TNIK: variants seen among roughly 807,000 people sequenced by gnomAD.
The protein encoded by TNIK is TRAF2 and NCK interacting kinase.
A neutral mutation model predicts 191.3 loss-of-function variants in TNIK; 49 were observed. The observed-to-expected ratio is 0.26, with a 90% CI of 0.20 to 0.32. The LOEUF is 0.32. TNIK is among the 10% of genes least tolerant of loss of function. TNIK has a pLI of 1.00. For synonymous variants in TNIK, 594 were observed against 600.9 expected, an observed-to-expected ratio of 0.99 and a Z score of 0.17; for missense variants, 1,155 against 1,702.3, an observed-to-expected ratio of 0.68 and a Z score of 5.66.
At chr3:171,296,348 A>G (rs1180719247) in intron 2 of TNIK, among the ~76,000 whole-genome samples, 1 of 152,198 alleles carries the variant, frequency 6.6e-6, no homozygotes, top group African/African-American at 2.4e-5. Context: ...ACCTGATACT[A>G]AATCCTGAAC....
intron 2 of TNIK, among the ~76,000 whole-genome samples, chr3:171,331,264 C>T (rs937900729): frequency 3.9e-5 from 6 of 152,174 alleles, no homozygotes; most frequent in Admixed American, 3.9e-4. Context: ...GATCCACAGC[C>T]ACTCCCTGGC....
chr3:171,325,952 G>T (rs1755703076), intron 2 of TNIK, among the ~76,000 whole-genome samples: 1 of 152,200 alleles, frequency 6.6e-6, no homozygotes, highest in African/African-American at 2.4e-5. Context: ...CTCTTCTCGA[G>T]CCTCATCTGC....
At chr3:171,260,275 C>T (rs1051509184) in intron 2 of TNIK, among the ~76,000 whole-genome samples, 3 of 152,116 alleles carry the variant, frequency 2.0e-5, no homozygotes, top group Non-Finnish European at 4.4e-5. Context: ...AAGCTGTATT[C>T]AAAATTGAGG....
chr3:171,459,792 C>T (rs1729243475), intron 1 of TNIK, among the ~76,000 whole-genome samples: 1 of 152,020 alleles, frequency 6.6e-6, no homozygotes, highest in African/African-American at 2.4e-5. Flanking sequence ...GCCTAAGCCA[C>T]GGCCAGAGGA....
chr3:171,374,901 A>G (rs1211362606), intron 1 of TNIK, among the ~76,000 whole-genome samples: 2 of 152,208 alleles, frequency 1.3e-5, no homozygotes, highest in Non-Finnish European at 2.9e-5. Context: ...TTTACAGATT[A>G]GGAAATGGAG....
Position 171,061,047 on chromosome 3 carries a change from G to C in TNIK, c.*2834C>G, listed in dbSNP as rs1323271857. ...TTTTTTGTTGAGATGCTATAAAAAT[G>C]GATGAAAAGCAACCGTTCCTCCCCT... On this transcript the variant is annotated 3_prime_UTR_variant, in exon 33 of 33. Transcript: ENST00000436636. Among the ~76,000 whole-genome samples the C allele has an allele frequency of 6.6e-6, 1 of 152,040 alleles. No individual in the cohort carries two copies. Among genetic ancestry groups the C allele is most frequent in the Non-Finnish European group, 1.5e-5 (1 of 68,004 alleles).
intron 1 of TNIK, among the ~76,000 whole-genome samples, chr3:171,371,191 T>C (rs1716441909): frequency 1.3e-5 from 2 of 152,114 alleles, no homozygotes; most frequent in African/African-American, 4.8e-5. Context: ...ACTTTTAAGC[T>C]GAGAAATTCC....
At chr3:171,222,278 A>G (rs1742446912) in intron 3 of TNIK, among the ~76,000 whole-genome samples, 1 of 152,044 alleles carries the variant, frequency 6.6e-6, no homozygotes, top group African/African-American at 2.4e-5. Flanking sequence ...CAACCCTGCC[A>G]TTTACTATCC....
rs1321825493 is a variant in TNIK at position 171,159,403 on chromosome 3, GTTA to G, written c.1017-1742_1017-1740del. Among the ~76,000 whole-genome samples, 127 of 39,558 alleles carry G rather than the reference GTTA, an allele frequency of 3.2e-3. 1 individual carries two copies. The highest frequency in any genetic ancestry group is 0.025 in the Middle Eastern group (1 of 40). The allele number at this position is 39,558 out of a possible 152,430, so 26.0% of individuals were successfully genotyped here. A position where few individuals can be genotyped will look rare whatever the true frequency, so the allele number is the denominator to read the frequency against. Reference sequence around the variant, plus strand: ...GACCAAGGATCGGTTTTGGAGAGTAGTTAGTGTGCTGTGTGAGATACTGCCATG... The same window carrying G: ...GACCAAGGATCGGTTTTGGAGAGTAGGTGTGCTGTGTGAGATACTGCCATG... On this transcript the variant is annotated intron_variant, in intron 11 of 32. Transcript: ENST00000436636. This position sits in a 1 kb window ranked among gnomAD's most constrained non-coding sequence, Gnocchi z 4.1.
At chr3:171,095,338 T>A (rs16855799) in intron 22 of TNIK, among the ~76,000 whole-genome samples, 15,945 of 152,202 alleles carry the variant, frequency 0.1, 983 homozygotes, top group Middle Eastern at 0.16. Flanking sequence ...GCTCAGGGGA[T>A]TTGAGAACCA....
chr3:171,384,372 G>A (rs1167407009), intron 1 of TNIK, among the ~76,000 whole-genome samples: 3 of 152,174 alleles, frequency 2.0e-5, no homozygotes, highest in Non-Finnish European at 2.9e-5. Context: ...TAAACAGCAT[G>A]CTACTCAGAC....
intron 2 of TNIK, among the ~76,000 whole-genome samples, chr3:171,353,358 G>A (rs975115394): frequency 2.0e-5 from 3 of 152,176 alleles, no homozygotes; most frequent in Non-Finnish European, 2.9e-5. Context: ...GTTAAATTTT[G>A]CAAGGTTTAG....
intron 24 of TNIK, among the ~76,000 whole-genome samples, chr3:171,085,869 C>G (rs61791152): frequency 0.1 from 15,632 of 152,142 alleles, 925 homozygotes; most frequent in Middle Eastern, 0.16. Flanking sequence ...GAGGATATTA[C>G]GTTTGTGAGC....
intron 7 of TNIK, among the ~76,000 whole-genome samples, chr3:171,185,229 A>T (rs1249738190): frequency 2.2e-5 from 3 of 138,232 alleles, no homozygotes; most frequent in Admixed American, 1.5e-4. Context: ...ATGGGGTGGG[A>T]GGGGTGAATA....
rs1717542285 is a variant in TNIK, at chr3:171,058,535, G to T, written c.*5346C>A. ...TTAATGACTGCTTAGAATAACTGTA[G>T]AAAGTACTTTCTCAATGATTTTTGT... On this transcript the variant is annotated 3_prime_UTR_variant, in exon 33 of 33. Transcript: ENST00000436636. Among the ~76,000 whole-genome samples the T allele has an allele frequency of 6.6e-6, 1 of 152,084 alleles. No individual in the cohort carries two copies. The highest frequency in any genetic ancestry group is 2.4e-5 in the African/African-American group (1 of 41,402).
At chr3:171,179,453 G>GTT (rs113707866) in intron 7 of TNIK, among the ~76,000 whole-genome samples, 3 of 146,308 alleles carry the variant, frequency 2.1e-5, no homozygotes, top group African/African-American at 5.0e-5. Flanking sequence ...TGGGTTTTTT[G>GTT]TTTTTTTTTT....
chr3:171,412,903 C>T lies in TNIK; in HGVS notation c.58-43218G>A, dbSNP rs116268927. 1.0e-2 allele frequency among the ~76,000 whole-genome samples: 1,520 copies of T among 152,242 alleles called. 24 individuals are homozygous for T. The highest frequency in any genetic ancestry group is 0.033 in the African/African-American group (1,376 of 41,530). On this transcript the variant is annotated intron_variant, in intron 1 of 32. Coordinates refer to ENST00000436636, the MANE Select transcript of TNIK (RefSeq NM_015028.4). Reference sequence around the variant, plus strand: ...GTTATGCAGACCAGAGGGAACACAGCCAAGCTAGCAAAAATGAAACACAAG... The same window carrying T: ...GTTATGCAGACCAGAGGGAACACAGTCAAGCTAGCAAAAATGAAACACAAG...
chr3:171,095,295 A>G (rs987261057), intron 22 of TNIK, among the ~76,000 whole-genome samples: 4 of 152,178 alleles, frequency 2.6e-5, no homozygotes, highest in Non-Finnish European at 4.4e-5. Context: ...GGAGTGCCTC[A>G]TTTGCATGAC....
chr3:171,268,246 C>T (rs997573910), intron 2 of TNIK, among the ~76,000 whole-genome samples: 7 of 152,068 alleles, frequency 4.6e-5, no homozygotes, highest in Admixed American at 4.6e-4. Flanking sequence ...CTTTATGTTG[C>T]CTAATTTTAG....
Sources: allele counts gnomAD v4.1 joint callset (sites outside exome capture counted in the v4.1 genomes callset), GRCh38; gene constraint gnomAD v4.1.1; non-coding constraint Gnocchi (gnomAD v3.1); transcripts MANE v1.5; gene names NCBI Gene and HGNC (gene_info 2026-07-23, HGNC 2026-07-21).